Variants in IL1RAPL1 observed in about 807,000 individuals in gnomAD.
The protein encoded by IL1RAPL1 is interleukin 1 receptor accessory protein like 1, also known as interleukin-1 receptor accessory protein-like 1.
IL1RAPL1 carries 3 observed loss-of-function variants against 48.4 expected under a neutral mutation model. The ratio of observed to expected loss-of-function variants is 0.06; its 90% CI spans 0.03 to 0.16. The LOEUF (loss-of-function observed/expected upper bound fraction) is 0.16. Ranked by LOEUF, IL1RAPL1 falls within the 10% of genes least tolerant of loss-of-function variation. The pLI is 1.00. For missense variants in IL1RAPL1, 349 were observed against 530.6 expected, an observed-to-expected ratio of 0.66 and a Z score of 3.36; for synonymous variants, 185 against 187.7, an observed-to-expected ratio of 0.99 and a Z score of 0.12.
intron 2 of IL1RAPL1, among the ~76,000 whole-genome samples, chrX:28,911,459 A>G (rs922960385): frequency 1.8e-5 from 2 of 111,168 alleles, no homozygotes; most frequent in Non-Finnish European, 3.8e-5. Flanking sequence ...TTTCTCTGCT[A>G]GAATTCCACT....
chrX:29,520,781 C>G (rs780991689), intron 5 of IL1RAPL1, among the ~76,000 whole-genome samples: 19 of 111,155 alleles, frequency 1.7e-4, no homozygotes, highest in Non-Finnish European at 3.2e-4. Flanking sequence ...TTATTGAACT[C>G]CTTTCTTTAA....
chrX:28,894,854 G>A (rs999072065), intron 2 of IL1RAPL1, among the ~76,000 whole-genome samples: 2 of 111,019 alleles, frequency 1.8e-5, no homozygotes, highest in African/African-American at 6.6e-5. Context: ...AAGGGATTGG[G>A]GTTTGGGAGA....
chrX:28,640,631 A>G (rs1268285622), intron 1 of IL1RAPL1, among the ~76,000 whole-genome samples: 1 of 109,758 alleles, frequency 9.1e-6, no homozygotes, highest in East Asian at 2.9e-4. Flanking sequence ...GATCATAGGC[A>G]TGAGCCACCC....
chrX:29,498,038 C>T (rs896598666), intron 5 of IL1RAPL1, among the ~76,000 whole-genome samples: 3 of 112,359 alleles, frequency 2.7e-5, no homozygotes. Context: ...AAATTTCTTA[C>T]TAGTTACTTG....
At chrX:29,197,402 A>G (rs1328645225) in intron 2 of IL1RAPL1, among the ~76,000 whole-genome samples, 2 of 111,607 alleles carry the variant, frequency 1.8e-5, no homozygotes, top group Admixed American at 9.6e-5. Flanking sequence ...CATACTGCCC[A>G]TCTCTAAACC....
rs183573846 is a variant in IL1RAPL1, at chrX:28,997,283, T to A, written c.82+207858T>A. ...TTTGTTGTAAACTACCAGAGTGCTT[T>A]GAAGAGGAATTTTATTAAATCATAT... On this transcript the variant is annotated intron_variant, in intron 2 of 10. Transcript: ENST00000378993. 1.3e-4 allele frequency among the ~76,000 whole-genome samples: 15 copies of A among 111,979 alleles called. No individual in the cohort carries two copies. The East Asian group carries it at 3.9e-3, about 29-fold the overall frequency.
intron 1 of IL1RAPL1, among the ~76,000 whole-genome samples, chrX:28,627,606 A>G (rs988649970): frequency 2.7e-5 from 3 of 112,018 alleles, no homozygotes; most frequent in African/African-American, 9.7e-5. Flanking sequence ...TCCTTAATCA[A>G]TATTTACCAG....
At chrX:29,368,730 C>CTGTGTA (rs1933503524) in intron 3 of IL1RAPL1, among the ~76,000 whole-genome samples, 1 of 106,020 alleles carries the variant, frequency 9.4e-6, no homozygotes. Context: ...TGCCCAGCCT[C>CTGTGTA]TGTGTATGTG....
intron 3 of IL1RAPL1, among the ~76,000 whole-genome samples, chrX:29,337,537 G>A (rs1444885222): frequency 9.0e-6 from 1 of 111,508 alleles, no homozygotes; most frequent in Non-Finnish European, 1.9e-5. Flanking sequence ...CCTTAGAGAA[G>A]TACCTTTACC....
chrX:29,295,184 G>T (rs1321913073), intron 3 of IL1RAPL1, among the ~76,000 whole-genome samples: 1 of 111,828 alleles, frequency 8.9e-6, no homozygotes, highest in Non-Finnish European at 1.9e-5. Flanking sequence ...GAGCTTCATT[G>T]GATGTTGCTA....
intron 5 of IL1RAPL1, among the ~76,000 whole-genome samples, chrX:29,528,650 T>C (rs1935579764): frequency 8.9e-6 from 1 of 112,470 alleles, no homozygotes; most frequent in Admixed American, 9.4e-5. Flanking sequence ...CAATGTCTGA[T>C]CTCTGGAAGG....
At chrX:28,656,212 C>T (rs140598952) in intron 1 of IL1RAPL1, among the ~76,000 whole-genome samples, 62 of 111,157 alleles carry the variant, frequency 5.6e-4, no homozygotes, top group African/African-American at 1.9e-3. Context: ...TCTCCCTGGT[C>T]ATTCTCCTCC....
At chrX:29,802,785 G>GTACATA (rs1569172713) in intron 6 of IL1RAPL1, among the ~76,000 whole-genome samples, 3 of 20,895 alleles carry the variant, frequency 1.4e-4, no homozygotes, top group Admixed American at 6.0e-4. Flanking sequence ...ATATATATGT[G>GTACATA]TGTGTGTATA....
chrX:28,899,265 A>T (rs1276319145), intron 2 of IL1RAPL1, among the ~76,000 whole-genome samples: 1 of 111,278 alleles, frequency 9.0e-6, no homozygotes, highest in East Asian at 2.9e-4. Flanking sequence ...ACATGTGGGG[A>T]TTATAATTCA....
intron 5 of IL1RAPL1, among the ~76,000 whole-genome samples, chrX:29,656,129 G>C (rs140729794): frequency 0.12 from 12,975 of 112,016 alleles, 683 homozygotes; most frequent in Middle Eastern, 0.21. Flanking sequence ...TTTATTGACA[G>C]TTACCAAAAA....
At chrX:29,629,928 A>G (rs1344958099) in intron 5 of IL1RAPL1, among the ~76,000 whole-genome samples, 1 of 112,263 alleles carries the variant, frequency 8.9e-6, no homozygotes, top group Admixed American at 9.5e-5. Flanking sequence ...GTATTCATCA[A>G]CACTTAATGT....
At chrX:29,230,235 C>T (rs895717260) in intron 2 of IL1RAPL1, among the ~76,000 whole-genome samples, 3 of 110,253 alleles carry the variant, frequency 2.7e-5, no homozygotes, top group Non-Finnish European at 5.7e-5. Flanking sequence ...TGGGATGAAG[C>T]CAGCTGTTAA....
Position 29,920,069 on chromosome X carries a change from C to T in IL1RAPL1, c.1032C>T (p.His344=), listed in dbSNP as rs1426366152. The change falls in exon 8 of 11, where the codon CAC becomes CAT. Residue 344 remains histidine, a synonymous_variant. Transcript: ENST00000378993. ...TTGAAAATGGAAATGGACGTCGACA[C>T]GCCAGCGTTCTCCTTCATAAACGAG... ...CYVENGNGRR[H]ASVLLHKREL... is the part of the protein sequence containing the mutation. The T allele has an allele frequency of 3.1e-5, 37 of 1,209,794 alleles. No individual in the cohort carries two copies. Among genetic ancestry groups the T allele is most frequent in the Admixed American group, 2.8e-4 (13 of 45,808 alleles).
intron 5 of IL1RAPL1, among the ~76,000 whole-genome samples, chrX:29,467,139 G>C (rs1934871202): frequency 8.9e-6 from 1 of 111,841 alleles, no homozygotes; most frequent in Non-Finnish European, 1.9e-5. Context: ...TTAATTTATA[G>C]TTTATTTGTC....
Sources: gnomAD v4.1 joint callset for allele counts (sites outside exome capture counted in the v4.1 genomes callset) on GRCh38, gnomAD v4.1.1 for gene constraint, MANE v1.5 for transcripts, NCBI Gene and HGNC (gene_info 2026-07-23, HGNC 2026-07-21) for gene names.